Variants in REV3L observed in about 807,000 individuals in gnomAD.
REV3L encodes REV3 like, DNA directed polymerase zeta catalytic subunit.
In REV3L, 69 loss-of-function variants were observed where a neutral mutation model predicts 299.4. The ratio of observed to expected loss-of-function variants is 0.23; its 90% CI spans 0.19 to 0.28. The LOEUF (loss-of-function observed/expected upper bound fraction) is 0.28, where lower values mean the gene tolerates loss of function less well. Ranked by LOEUF, REV3L falls within the 10% of genes least tolerant of loss-of-function variation. The probability of loss-of-function intolerance (pLI) is 1.00; values close to 1 mark genes in which losing one functional copy is unlikely to be tolerated. For synonymous variants in REV3L, 1,238 were observed against 1,271.4 expected, an observed-to-expected ratio of 0.97 and a Z score of 0.56; for missense variants, 3,128 against 3,693.8, an observed-to-expected ratio of 0.85 and a Z score of 3.97.
At chr6:111,340,029 G>A (rs1776329424) in intron 21 of REV3L, among the ~76,000 whole-genome samples, 1 of 152,130 alleles carries the variant, frequency 6.6e-6, no homozygotes, top group Admixed American at 6.5e-5. Flanking sequence ...CTTGGGTAGT[G>A]CTGAAATGGG....
intron 9 of REV3L, among the ~76,000 whole-genome samples, chr6:111,383,914 C>G (rs763913203): frequency 1.1e-4 from 16 of 152,110 alleles, no homozygotes; most frequent in Non-Finnish European, 2.2e-4. Context: ...AACAGGCACA[C>G]AGACCAATGG....
chr6:111,383,379 C>T (rs144834116), intron 9 of REV3L, among the ~76,000 whole-genome samples: 45 of 152,246 alleles, frequency 3.0e-4, no homozygotes, highest in African/African-American at 1.0e-3. Flanking sequence ...TTAGGAAAAA[C>T]CTATAGACTC....
At chr6:111,426,912 G>A (rs1431178568) in intron 1 of REV3L, among the ~76,000 whole-genome samples, 1 of 152,182 alleles carries the variant, frequency 6.6e-6, no homozygotes, top group African/African-American at 2.4e-5. Flanking sequence ...AAAATAATTA[G>A]TGTTATTAAC....
intron 2 of REV3L, among the ~76,000 whole-genome samples, chr6:111,412,502 T>C (rs1326094280): frequency 6.6e-6 from 1 of 152,136 alleles, no homozygotes; most frequent in Non-Finnish European, 1.5e-5. Context: ...ATAAAAGGCT[T>C]TGTATTGGCT....
intron 16 of REV3L, among the ~76,000 whole-genome samples, chr6:111,362,610 A>T (rs1778809086): frequency 3.9e-5 from 6 of 152,182 alleles, no homozygotes; most frequent in Admixed American, 3.9e-4. Context: ...TATATTTAAA[A>T]TATTATCCTT....
chr6:111,420,036 G>A (rs759271043), intron 1 of REV3L, among the ~76,000 whole-genome samples: 24 of 151,974 alleles, frequency 1.6e-4, no homozygotes, highest in Non-Finnish European at 2.2e-4. Flanking sequence ...TAGTAGAGAC[G>A]GGGTTTCACC....
chr6:111,310,142 T>C (rs907761292), intron 29 of REV3L, 43 bp from the exon 30 acceptor site: 13 of 1,466,984 alleles, frequency 8.9e-6, no homozygotes, highest in South Asian at 6.3e-5. Context: ...AATACTGTTA[T>C]GGAAGCCATC....
chr6:111,316,534 C>T (rs921760990), intron 26 of REV3L, among the ~76,000 whole-genome samples: 18 of 151,808 alleles, frequency 1.2e-4, no homozygotes, highest in Non-Finnish European at 2.4e-4. Flanking sequence ...GGGGAGGTGG[C>T]GTGTGCCTGT....
intron 30 of REV3L, chr6:111,308,292 T>C (rs1442003337): frequency 2.2e-6 from 1 of 452,354 alleles, no homozygotes; most frequent in Non-Finnish European, 4.4e-6. Context: ...TGTCATTGGG[T>C]TAACATTCTT....
In REV3L at chr6:111,356,961, C is replaced by T; in HGVS notation, c.7184+53G>A. Reference sequence around the variant, plus strand: ...TTATCTTCACTATTATCTGCAATAGCATGAAACGACTCTCTGAATAAAACT... The same window carrying T: ...TTATCTTCACTATTATCTGCAATAGTATGAAACGACTCTCTGAATAAAACT... On this transcript the variant is annotated intron_variant, in intron 18 of 31. Coordinates refer to ENST00000368802, the MANE Select transcript of REV3L (RefSeq NM_001372078.1). The T allele has an allele frequency of 6.5e-6, 6 of 923,346 alleles. 1 individual carries two copies. The South Asian group carries it at 1.0e-4, about 16-fold the overall frequency. The allele number at this position is 923,346 out of a possible 1,614,324, so 57.2% of individuals were successfully genotyped here.
At chr6:111,438,690 A>C (rs112066934) in intron 1 of REV3L, among the ~76,000 whole-genome samples, 1 of 152,184 alleles carries the variant, frequency 6.6e-6, no homozygotes, top group Non-Finnish European at 1.5e-5. Context: ...TAACTTTCAT[A>C]CATGAATTAA....
At chr6:111,338,311 C>CTTTTTTT (rs1776115188) in intron 21 of REV3L, among the ~76,000 whole-genome samples, 1 of 49,030 alleles carries the variant, frequency 2.0e-5, no homozygotes, top group Non-Finnish European at 3.5e-5. Flanking sequence ...AGTCTAAAGT[C>CTTTTTTT]CTTTTTTTTT....
intron 26 of REV3L, among the ~76,000 whole-genome samples, chr6:111,317,893 AT>A (rs970145204): frequency 2.0e-5 from 3 of 152,182 alleles, no homozygotes; most frequent in African/African-American, 7.2e-5. Context: ...AGATTCATCC[AT>A]GGTGTCAGAA....
intron 1 of REV3L, chr6:111,472,100 A>G (rs1177340689): frequency 1.7e-5 from 21 of 1,271,360 alleles, no homozygotes; most frequent in Non-Finnish European, 2.2e-5. Flanking sequence ...TGACAGTTTA[A>G]TTTTTAGGTT....
intron 4 of REV3L, among the ~76,000 whole-genome samples, chr6:111,394,481 T>C (rs1782266901): frequency 1.3e-5 from 2 of 152,156 alleles, no homozygotes. Flanking sequence ...TTTTTTTTCC[T>C]GTTGAGTTCC....
chr6:111,462,392 T>C (rs1790886021), intron 1 of REV3L, among the ~76,000 whole-genome samples: 1 of 152,066 alleles, frequency 6.6e-6, no homozygotes. Context: ...AAAGAGGCTG[T>C]CCGCCAGAAA....
At chr6:111,322,731 T>C (rs2114784026) in intron 25 of REV3L, 53 bp from the exon 26 acceptor site, 1 of 1,158,790 alleles carries the variant, frequency 8.6e-7, no homozygotes, top group Non-Finnish European at 1.3e-6. Context: ...CAGTATAAGT[T>C]AACAGACTTT....
intron 29 of REV3L, chr6:111,310,863 G>A: frequency 2.4e-6 from 1 of 421,546 alleles, no homozygotes; most frequent in Non-Finnish European, 4.2e-6. Context: ...CTTTGCATAA[G>A]TTTCTGAAGG....
intron 25 of REV3L, among the ~76,000 whole-genome samples, chr6:111,324,084 C>G (rs1774483680): frequency 6.6e-6 from 1 of 152,170 alleles, no homozygotes; most frequent in African/African-American, 2.4e-5. Context: ...ACTGCAACCT[C>G]TGCCTCCTGG....
Sources: allele counts gnomAD v4.1 joint callset (sites outside exome capture counted in the v4.1 genomes callset), GRCh38; gene constraint gnomAD v4.1.1; transcripts MANE v1.5; gene names NCBI Gene and HGNC (gene_info 2026-07-23, HGNC 2026-07-21).